Variants in CDKL3 observed in about 807,000 individuals in gnomAD.
CDKL3 encodes the protein cyclin dependent kinase like 3, also known as cyclin-dependent kinase-like 3.
In CDKL3, 65 loss-of-function variants were observed where a neutral mutation model predicts 69.3. The ratio of observed to expected loss-of-function variants is 0.94; its 90% CI spans 0.77 to 1.15. The LOEUF (loss-of-function observed/expected upper bound fraction) is 1.15, where lower values mean the gene tolerates loss of function less well. Ranked by LOEUF, CDKL3 falls within the 50% of genes most tolerant of loss-of-function variation. The pLI, the probability that CDKL3 is intolerant of heterozygous loss-of-function variation, is 0.00. For synonymous variants in CDKL3, 202 were observed against 221.6 expected (o/e 0.91, Z 0.79); for missense variants, 652 against 689.2 (o/e 0.95, Z 0.61).
At chr5:134,326,701 C>T (rs934214799) in intron 4 of CDKL3, among the ~76,000 whole-genome samples, 4 of 150,868 alleles carry the variant, frequency 2.7e-5, no homozygotes, top group African/African-American at 4.9e-5. Context: ...AGTGCAATGG[C>T]GCAGTCTCAG....
chr5:134,315,151 A>C (rs1770662674), intron 6 of CDKL3, among the ~76,000 whole-genome samples: 2 of 152,144 alleles, frequency 1.3e-5, no homozygotes, highest in Admixed American at 1.3e-4. Context: ...AAACCCACAC[A>C]TGTATAAGCA....
At chr5:134,337,659 C>T (rs188953031) in intron 4 of CDKL3, among the ~76,000 whole-genome samples, 33 of 152,194 alleles carry the variant, frequency 2.2e-4, no homozygotes, top group African/African-American at 7.9e-4. Flanking sequence ...GCTAGCTTTG[C>T]CAACACTGCA....
intron 4 of CDKL3, among the ~76,000 whole-genome samples, chr5:134,334,321 A>C (rs1291838861): frequency 2.6e-5 from 4 of 151,652 alleles, no homozygotes; most frequent in Admixed American, 6.6e-5. Flanking sequence ...TTCTGCTCTG[A>C]TCTTAGTTAT....
At chr5:134,346,034 T>G (rs1013077456) in intron 4 of CDKL3, among the ~76,000 whole-genome samples, 1 of 152,104 alleles carries the variant, frequency 6.6e-6, no homozygotes, top group Admixed American at 6.6e-5. Context: ...TCCCCCAAGG[T>G]GTATCACAGA....
At chr5:134,304,717 A>G (rs1407339959) in intron 10 of CDKL3, 150 bp from the exon 11 acceptor site, 1 of 485,214 alleles carries the variant, frequency 2.1e-6, no homozygotes, top group East Asian at 3.4e-5. Context: ...ACTATTGAAC[A>G]TATCAACAGA....
chr5:134,360,195 G>A, intron 2 of CDKL3, 104 bp from the exon 3 acceptor site: 1 of 798,584 alleles, frequency 1.3e-6, no homozygotes, highest in Admixed American at 3.1e-5. Flanking sequence ...TCTTAGCTTT[G>A]TTCCATGCAT....
chr5:134,367,087 G>T lies in CDKL3; in HGVS notation c.-132C>A. 1.0e-6 allele frequency: 1 copy of T among 986,618 alleles called. No homozygotes were observed. The highest frequency in any genetic ancestry group is 1.2e-6 in the Non-Finnish European group (1 of 830,758). 61.1% of individuals were successfully genotyped at this position (986,618 alleles called of 1,614,324 possible). A position where few individuals can be genotyped will look rare whatever the true frequency, so the allele number is the denominator to read the frequency against. The stretch of plus-strand genomic sequence containing the variant: ...TCTGCGTAGTTCCAGTGGAGCCACC[G>T]AACACTGATACTACTTTGTTGCTCA... On this transcript the variant is annotated 5_prime_UTR_variant, in exon 1 of 13. Transcript: ENST00000265334.
At chr5:134,301,814 G>T (rs1167750089) in intron 12 of CDKL3, among the ~76,000 whole-genome samples, 1 of 152,108 alleles carries the variant, frequency 6.6e-6, no homozygotes, top group African/African-American at 2.4e-5. Flanking sequence ...TTGAACCCGG[G>T]AGGCAGAGGT....
In CDKL3 at chr5:134,366,324, T is replaced by C. The variant is rs1403863862; in HGVS notation, c.165+35A>G. On this transcript the variant is annotated intron_variant, in intron 2 of 12. Transcript: ENST00000265334. ...TTTTTTATTCCATAACAATTTTTTCTTTTGACTTAGATGATTAAGGCAAAA... is the reference window on the plus strand; with the variant it reads ...TTTTTTATTCCATAACAATTTTTTCCTTTGACTTAGATGATTAAGGCAAAA... 2.0e-6 allele frequency: 3 copies of C among 1,477,106 alleles called. No homozygotes were observed. In the Admixed American group the frequency reaches 8.1e-5, roughly 40 times the overall value. 91.5% of individuals were successfully genotyped at this position (1,477,106 alleles called of 1,614,324 possible).
At chr5:134,312,234 G>T in intron 7 of CDKL3, 58 bp downstream of exon 7, 1 of 1,010,858 alleles carries the variant, frequency 9.9e-7, no homozygotes, top group Non-Finnish European at 1.5e-6. Flanking sequence ...TTTCCTGCTA[G>T]TAAAATTTCC....
At chr5:134,284,863 T>C (rs1371590580), downstream of CDKL3, among the ~76,000 whole-genome samples, 1 of 152,232 alleles carries the variant, frequency 6.6e-6, no homozygotes, top group Non-Finnish European at 1.5e-5. Flanking sequence ...AAAACCACTG[T>C]TATCCTATTC....
intron 6 of CDKL3, among the ~76,000 whole-genome samples, chr5:134,313,448 C>T (rs2149460963): frequency 6.6e-6 from 1 of 152,192 alleles, no homozygotes; most frequent in African/African-American, 2.4e-5. Flanking sequence ...TCCATCGCAA[C>T]AACAATCCTA....
At chr5:134,325,159 C>T (rs1202238590) in intron 4 of CDKL3, among the ~76,000 whole-genome samples, 1 of 152,066 alleles carries the variant, frequency 6.6e-6, no homozygotes, top group Non-Finnish European at 1.5e-5. Context: ...GCCTGTGAGA[C>T]AGAATGCGAC....
At position 134,356,301 on chromosome 5, in the gene CDKL3, T is replaced by C. The variant is rs537165816; in HGVS notation, c.360+3596A>G. Among the ~76,000 whole-genome samples the C allele has an allele frequency of 3.8e-4, 58 of 152,334 alleles. No homozygotes were observed. In the Middle Eastern group the frequency reaches 0.01, roughly 27 times the overall value. The stretch of plus-strand genomic sequence containing the variant: ...ATAGGAGGCAGAGCTCAGGTGGTAA[T>C]GCGAGCAATGCAAAGTGGCTGTAAA... On this transcript the variant is annotated intron_variant, in intron 3 of 12. Coordinates refer to ENST00000265334, the MANE Select transcript of CDKL3 (RefSeq NM_001113575.2).
chr5:134,311,104 C>A (rs1769358749), intron 7 of CDKL3, among the ~76,000 whole-genome samples: 1 of 152,064 alleles, frequency 6.6e-6, no homozygotes, highest in African/African-American at 2.4e-5. Flanking sequence ...AATTGTAATA[C>A]AGATTATATG....
At position 134,308,608 on chromosome 5, in the gene CDKL3, G is replaced by T; in HGVS notation, c.1001C>A (p.Thr334Asn). The change falls in exon 8 of 13, where the codon ACC (threonine) becomes AAC (asparagine). Residue 334 changes from threonine to asparagine, a missense_variant. By Grantham distance (65) the Thr-to-Asn change is moderately conservative. Coordinates refer to ENST00000265334, the MANE Select transcript of CDKL3 (RefSeq NM_001113575.2). ...LRKDERKTVY[T>N]NTLLSSSVLG... ...AACTGAACTACTTAGCAGTGTATTG[G>T]TATAAACTGTTTTTCTTTCATCTTT... 6.2e-7 allele frequency: 1 copy of T among 1,605,400 alleles called. No individual in the cohort carries two copies. Among genetic ancestry groups the T allele is most frequent in the Non-Finnish European group, 8.5e-7 (1 of 1,177,732 alleles).
At chr5:134,346,399 T>C (rs555135531) in intron 4 of CDKL3, among the ~76,000 whole-genome samples, 3 of 152,340 alleles carry the variant, frequency 2.0e-5, no homozygotes, top group Admixed American at 6.5e-5. Flanking sequence ...CCATGTCACA[T>C]TGAACTTTGT....
intron 4 of CDKL3, among the ~76,000 whole-genome samples, chr5:134,326,860 T>C (rs955519388): frequency 3.1e-5 from 3 of 96,756 alleles, no homozygotes; most frequent in African/African-American, 1.9e-4. Flanking sequence ...TATATATATA[T>C]ATATATACAC....
chr5:134,289,163 TAAA>T (rs34873718), intron 8 of CDKL3, among the ~76,000 whole-genome samples: 12,273 of 79,940 alleles, frequency 0.15, 378 homozygotes, highest in Admixed American at 0.23. Flanking sequence ...CCCTGTCTCA[TAAA>T]AAAAAAAAAA....
Sources: allele counts gnomAD v4.1 joint callset (sites outside exome capture counted in the v4.1 genomes callset), GRCh38; gene constraint gnomAD v4.1.1; transcripts MANE v1.5; gene names NCBI Gene and HGNC (gene_info 2026-07-23, HGNC 2026-07-21).